The following LAMA2 variants were observed in gnomAD, a reference collection of about 807,000 sequenced individuals.
LAMA2 encodes the protein laminin subunit alpha-2.
Under a neutral mutation model 364.8 loss-of-function variants are expected in LAMA2, and 269 were observed. The ratio of observed to expected loss-of-function variants is 0.74; its 90% CI spans 0.67 to 0.82. LAMA2 has a LOEUF of 0.82. Ranked by LOEUF, LAMA2 falls within the 40% of genes least tolerant of loss-of-function variation. LAMA2 has a pLI of 0.00. For missense variants in LAMA2, 3,807 were observed against 3,873.2 expected, an observed-to-expected ratio of 0.98 and a Z score of 0.45; for synonymous variants, 1,379 against 1,370.6, an observed-to-expected ratio of 1.01 and a Z score of -0.14.
chr6:129,359,187 T>C (rs1213419480), intron 32 of LAMA2, among the ~76,000 whole-genome samples: 1 of 150,754 alleles, frequency 6.6e-6, no homozygotes, highest in Non-Finnish European at 1.5e-5. Flanking sequence ...TTTTGAAGAG[T>C]TACACCATCT....
chr6:129,260,701 T>C lies in LAMA2; in HGVS notation c.2097-10T>C. On this transcript the variant is annotated splice_polypyrimidine_tract_variant and intron_variant, in intron 14 of 64. Coordinates refer to ENST00000421865, the MANE Select transcript of LAMA2 (RefSeq NM_000426.4). ...TACTTATTCACCATCTCTTTTTTCC[T>C]CTGCCATAGGTTGAGCTCTGTTAAC... 1 of 1,545,878 alleles carries C rather than the reference T, an allele frequency of 6.5e-7. No homozygotes were observed. The highest frequency in any genetic ancestry group is 1.4e-5 in the African/African-American group (1 of 73,604).
At chr6:128,958,396 G>T (rs1336779419) in intron 1 of LAMA2, among the ~76,000 whole-genome samples, 1 of 151,928 alleles carries the variant, frequency 6.6e-6, no homozygotes, top group Admixed American at 6.6e-5. Flanking sequence ...AGGCTCCTGG[G>T]TACCCATGGT....
chr6:129,415,511 G>T (rs907026735), intron 40 of LAMA2, among the ~76,000 whole-genome samples: 4 of 151,940 alleles, frequency 2.6e-5, no homozygotes, highest in Non-Finnish European at 5.9e-5. Context: ...GCAAGTTGTG[G>T]GTACAATAAC....
At chr6:129,342,735 G>T (rs1468260770) in intron 30 of LAMA2, among the ~76,000 whole-genome samples, 1 of 151,878 alleles carries the variant, frequency 6.6e-6, no homozygotes, top group East Asian at 1.9e-4. Flanking sequence ...TAAAACAAAT[G>T]ATATATATAT....
chr6:129,440,813 C>T lies in LAMA2; in HGVS notation c.6086-3C>T. The T allele has an allele frequency of 6.2e-7, 1 of 1,613,578 alleles. No individual in the cohort carries two copies. The highest frequency in any genetic ancestry group is 2.2e-5 in the East Asian group (1 of 44,860). The stretch of plus-strand genomic sequence containing the variant: ...TGTTTTTCATACCCTCATCTGCTGA[C>T]AGATACAGCTGCTAAACTGCAAGCT... On this transcript the variant is annotated splice_polypyrimidine_tract_variant and splice_region_variant and intron_variant, in intron 42 of 64. Coordinates refer to ENST00000421865, the MANE Select transcript of LAMA2 (RefSeq NM_000426.4).
intron 12 of LAMA2, among the ~76,000 whole-genome samples, chr6:129,230,949 G>A (rs1784638316): frequency 6.6e-6 from 1 of 152,018 alleles, no homozygotes; most frequent in South Asian, 2.1e-4. Flanking sequence ...ACTATACAAG[G>A]CCTTAGAGGA....
chr6:129,431,068 A>G (rs1337083218), intron 41 of LAMA2, among the ~76,000 whole-genome samples: 1 of 152,120 alleles, frequency 6.6e-6, no homozygotes, highest in Admixed American at 6.6e-5. Flanking sequence ...TCTTTGCCCA[A>G]GATAAATGAA....
At chr6:129,276,091 T>A (rs1282576754) in intron 17 of LAMA2, among the ~76,000 whole-genome samples, 1 of 152,100 alleles carries the variant, frequency 6.6e-6, no homozygotes, top group Non-Finnish European at 1.5e-5. Flanking sequence ...ACCAAAATCA[T>A]GAAGTAAATG....
intron 9 of LAMA2, among the ~76,000 whole-genome samples, chr6:129,170,611 G>T (rs1358107291): frequency 6.7e-6 from 1 of 148,306 alleles, no homozygotes; most frequent in East Asian, 2.0e-4. Context: ...AATAGGTGTG[G>T]TGTGGTGCTG....
At chr6:129,187,992 T>A (rs1781325803) in intron 10 of LAMA2, among the ~76,000 whole-genome samples, 1 of 151,884 alleles carries the variant, frequency 6.6e-6, no homozygotes, top group African/African-American at 2.4e-5. Flanking sequence ...CAAGTTGAAT[T>A]TTTAAACCAT....
chr6:128,914,258 A>G (rs906163310), intron 1 of LAMA2, among the ~76,000 whole-genome samples: 1 of 152,170 alleles, frequency 6.6e-6, no homozygotes, highest in East Asian at 1.9e-4. Flanking sequence ...TTGATACTTC[A>G]AACCAATGGT....
chr6:129,024,287 A>G (rs1582890981), intron 1 of LAMA2, among the ~76,000 whole-genome samples: 2 of 152,068 alleles, frequency 1.3e-5, no homozygotes, highest in East Asian at 3.9e-4. Flanking sequence ...AGGAAGCATG[A>G]TAGACTCAAT....
chr6:129,220,904 G>A (rs750482476), intron 12 of LAMA2, among the ~76,000 whole-genome samples: 6 of 152,172 alleles, frequency 3.9e-5, no homozygotes, highest in South Asian at 2.1e-4. Context: ...GCTCATGCCC[G>A]TATTCCCAGC....
chr6:129,107,826 C>T (rs562958990), intron 4 of LAMA2, among the ~76,000 whole-genome samples: 1 of 152,234 alleles, frequency 6.6e-6, no homozygotes, highest in Admixed American at 6.5e-5. Flanking sequence ...AGTGTATTCT[C>T]AGAGCACCAG....
chr6:128,911,941 G>A (rs537425564), intron 1 of LAMA2, among the ~76,000 whole-genome samples: 10 of 152,238 alleles, frequency 6.6e-5, no homozygotes, highest in African/African-American at 2.2e-4. Context: ...TCTACTGTCT[G>A]TAAAAATCAT....
intron 17 of LAMA2, among the ~76,000 whole-genome samples, chr6:129,277,680 A>G (rs1788424859): frequency 6.6e-6 from 1 of 152,196 alleles, no homozygotes; most frequent in African/African-American, 2.4e-5. Flanking sequence ...GACCTTGGTT[A>G]AGAAAAACTG....
intron 43 of LAMA2, chr6:129,442,302 T>C: frequency 2.0e-6 from 2 of 1,001,122 alleles, no homozygotes; most frequent in South Asian, 3.7e-5. Flanking sequence ...TACAAACACA[T>C]ATAACATAAA....
chr6:129,458,402 T>G (rs1783078560), intron 48 of LAMA2, among the ~76,000 whole-genome samples: 3 of 151,918 alleles, frequency 2.0e-5, no homozygotes, highest in Admixed American at 2.0e-4. Flanking sequence ...ATAGCAAACC[T>G]TAGGAAATCA....
At chr6:129,326,137 G>A (rs552836822) in intron 28 of LAMA2, among the ~76,000 whole-genome samples, 8 of 152,256 alleles carry the variant, frequency 5.3e-5, no homozygotes, top group South Asian at 4.1e-4. Flanking sequence ...ACCATGTCTC[G>A]CCTTTTCCAT....
Sources: gnomAD v4.1 joint callset for allele counts (sites outside exome capture counted in the v4.1 genomes callset) on GRCh38, gnomAD v4.1.1 for gene constraint, MANE v1.5 for transcripts, NCBI Gene and HGNC (gene_info 2026-07-23, HGNC 2026-07-21) for gene names.